The following XG variants were observed in gnomAD, a reference collection of about 807,000 sequenced individuals.
XG encodes the protein Xg glycoprotein (Xg blood group).
Under a neutral mutation model 25.7 loss-of-function variants are expected in XG, and 24 were observed. That is an observed-to-expected ratio of 0.93 (90% CI 0.68 to 1.31). The LOEUF (loss-of-function observed/expected upper bound fraction) is 1.31. Ranked by LOEUF, XG falls within the 40% of genes most tolerant of loss-of-function variation. XG has a pLI of 0.00. For synonymous variants in XG, 77 were observed against 69.2 expected (o/e 1.11, Z -0.56); for missense variants, 181 against 187.6 (o/e 0.96, Z 0.21).
intron 9 of XG, among the ~76,000 whole-genome samples, chrX:2,809,174 C>T (rs1048915499): frequency 5.4e-5 from 6 of 110,959 alleles, no homozygotes; most frequent in Non-Finnish European, 1.1e-4. Context: ...GAAGATGGTG[C>T]ACTAGGTAGA....
intron 1 of XG, among the ~76,000 whole-genome samples, chrX:2,768,937 C>T (rs375985103): frequency 6.6e-6 from 1 of 152,128 alleles, no homozygotes; most frequent in Non-Finnish European, 1.5e-5. Context: ...GAGAAACGGC[C>T]GTGTGGGATT....
At chrX:2,758,608 G>C in intron 1 of XG, among the ~76,000 whole-genome samples, 1 of 152,300 alleles carries the variant, frequency 6.6e-6, no homozygotes, top group South Asian at 2.1e-4. Context: ...TTCTCAACCA[G>C]GGATCATGTT....
intron 8 of XG, among the ~76,000 whole-genome samples, chrX:2,807,854 G>A (rs1423038744): frequency 3.6e-5 from 4 of 111,598 alleles, no homozygotes; most frequent in African/African-American, 1.3e-4. Flanking sequence ...TATGAATGGC[G>A]TGCGTGTGTG....
chrX:2,783,997 AAACC>A (rs202222203), intron 4 of XG, among the ~76,000 whole-genome samples: 1,419 of 110,777 alleles, frequency 0.013, 27 homozygotes, highest in African/African-American at 0.044. Flanking sequence ...AAACCAAACC[AAACC>A]AAACAAAACA....
intron 4 of XG, among the ~76,000 whole-genome samples, chrX:2,785,267 G>A (rs2086772874): frequency 9.0e-6 from 1 of 111,627 alleles, no homozygotes; most frequent in Non-Finnish European, 1.9e-5. Flanking sequence ...CAACAATAGG[G>A]CAGAGGAAGC....
intron 7 of XG, among the ~76,000 whole-genome samples, chrX:2,806,284 C>T (rs763752076): frequency 6.3e-5 from 7 of 111,254 alleles, no homozygotes; most frequent in Non-Finnish European, 1.3e-4. Context: ...CCGCCTTAGC[C>T]TCCCAAAGTG....
At chrX:2,785,211 A>G (rs1337001198) in intron 4 of XG, among the ~76,000 whole-genome samples, 2 of 111,805 alleles carry the variant, frequency 1.8e-5, no homozygotes, top group East Asian at 5.6e-4. Context: ...GGGCAAAGGA[A>G]TAGTACTTAT....
intron 7 of XG, among the ~76,000 whole-genome samples, chrX:2,803,526 T>C (rs1328192133): frequency 9.1e-6 from 1 of 110,319 alleles, no homozygotes; most frequent in East Asian, 2.8e-4. Context: ...GTCCAGAGTT[T>C]TTAAAGATAA....
intron 5 of XG, among the ~76,000 whole-genome samples, chrX:2,791,048 A>G (rs1327506134): frequency 9.3e-6 from 1 of 107,122 alleles, no homozygotes. Context: ...GAGGAAGGCA[A>G]TTTTTTCTTG....
At chrX:2,777,446 A>G (rs191107145) in intron 3 of XG, among the ~76,000 whole-genome samples, 1 of 152,264 alleles carries the variant, frequency 6.6e-6, no homozygotes, top group Admixed American at 6.5e-5. Flanking sequence ...TACCAAAATT[A>G]GCCAAGTGTT....
intron 3 of XG, among the ~76,000 whole-genome samples, chrX:2,778,578 C>T (rs1158484715): frequency 3.3e-5 from 5 of 151,978 alleles, no homozygotes; most frequent in African/African-American, 1.2e-4. Context: ...GAAATGAAAA[C>T]CGTAGCTCAG....
At chrX:2,780,761 G>A (rs2051103009) in intron 3 of XG, among the ~76,000 whole-genome samples, 1 of 152,004 alleles carries the variant, frequency 6.6e-6, no homozygotes, top group African/African-American at 2.4e-5. Context: ...CTGGAAAGGT[G>A]GAGCACTTGA....
intron 10 of XG, among the ~76,000 whole-genome samples, chrX:2,811,875 C>T (rs1298172726): frequency 9.0e-6 from 1 of 111,706 alleles, no homozygotes; most frequent in African/African-American, 3.3e-5. Context: ...AGATTACAGG[C>T]GTGAGCCACC....
intron 2 of XG, among the ~76,000 whole-genome samples, chrX:2,774,266 G>A (rs1337068569): frequency 6.6e-6 from 1 of 152,150 alleles, no homozygotes; most frequent in Non-Finnish European, 1.5e-5. Context: ...TGCACCCTGA[G>A]CACTCCTGAC....
At chrX:2,787,790 C>T (rs1395252523) in intron 4 of XG, among the ~76,000 whole-genome samples, 1 of 110,132 alleles carries the variant, frequency 9.1e-6, no homozygotes, top group Non-Finnish European at 1.9e-5. Context: ...ACCTGTAATC[C>T]CAGCTACTTG....
intron 1 of XG, among the ~76,000 whole-genome samples, chrX:2,770,197 A>G (rs1050302872): frequency 2.0e-5 from 3 of 152,222 alleles, no homozygotes; most frequent in Non-Finnish European, 4.4e-5. Flanking sequence ...CATCATGCTC[A>G]ATGAAAGAAG....
intron 1 of XG, among the ~76,000 whole-genome samples, chrX:2,758,113 C>G (rs2050477731): frequency 6.6e-6 from 1 of 152,104 alleles, no homozygotes; most frequent in South Asian, 2.1e-4. Flanking sequence ...TGACTTGCTT[C>G]CATTCTGGTG....
At chrX:2,770,513 A>C in intron 1 of XG, 37 bp from the exon 2 acceptor site, 1 of 1,613,684 alleles carries the variant, frequency 6.2e-7, no homozygotes, top group Non-Finnish European at 8.5e-7. Flanking sequence ...TGGCCTTTCC[A>C]TCATGGGGTG....
intron 3 of XG, among the ~76,000 whole-genome samples, chrX:2,781,183 A>G (rs186298298): frequency 2.0e-5 from 3 of 152,184 alleles, no homozygotes; most frequent in East Asian, 3.9e-4. Context: ...AAGCCCACCG[A>G]GAGTTTTTCC....
Sources: gnomAD v4.1 joint callset for allele counts (sites outside exome capture counted in the v4.1 genomes callset) on GRCh38, gnomAD v4.1.1 for gene constraint, MANE v1.5 for transcripts, NCBI Gene and HGNC (gene_info 2026-07-23, HGNC 2026-07-21) for gene names.